Variants in ERC1 observed in about 807,000 individuals in gnomAD.
The protein encoded by ERC1 is ELKS/RAB6-interacting/CAST family member 1.
Under a neutral mutation model 132.0 loss-of-function variants are expected in ERC1, and 56 were observed. The observed-to-expected ratio is 0.42, with a 90% CI of 0.34 to 0.53. ERC1 has a LOEUF of 0.53. ERC1 is among the 20% of genes least tolerant of loss of function. The pLI is 0.03. For missense variants in ERC1, 1,202 were observed against 1,349.9 expected (o/e 0.89, Z 1.72); for synonymous variants, 478 against 476.1 (o/e 1.00, Z -0.05).
At chr12:1,214,307 T>C (rs1958165479) in intron 12 of ERC1, among the ~76,000 whole-genome samples, 1 of 152,242 alleles carries the variant, frequency 6.6e-6, no homozygotes, top group Non-Finnish European at 1.5e-5. Flanking sequence ...GGTAATGATT[T>C]AATTTTATTG....
chr12:1,005,186 CTG>C (rs1208764328), intron 1 of ERC1, among the ~76,000 whole-genome samples: 3 of 152,124 alleles, frequency 2.0e-5, no homozygotes, highest in Admixed American at 2.0e-4. Flanking sequence ...GGGTTTCACT[CTG>C]TCACCCAGGC....
intron 14 of ERC1, among the ~76,000 whole-genome samples, chr12:1,289,085 A>G (rs1594790316): frequency 5.3e-5 from 1 of 18,920 alleles, no homozygotes; most frequent in East Asian, 9.9e-4. Flanking sequence ...TCTGGTATGT[A>G]CACACACACA....
chr12:1,272,639 A>G (rs2077943079), intron 14 of ERC1, among the ~76,000 whole-genome samples: 1 of 152,222 alleles, frequency 6.6e-6, no homozygotes, highest in African/African-American at 2.4e-5. Flanking sequence ...TTTTACATCC[A>G]TGGTCTTCTC....
intron 1 of ERC1, among the ~76,000 whole-genome samples, chr12:995,259 CAAATAAATAAT>C (rs990181419): frequency 1.3e-5 from 2 of 151,974 alleles, no homozygotes; most frequent in African/African-American, 4.8e-5. Context: ...AAGGCTATCT[CAAATAAATAAT>C]AAATAAATAA....
intron 8 of ERC1, among the ~76,000 whole-genome samples, chr12:1,180,253 ATGTGTGTGTGTG>A (rs3216970): frequency 4.8e-5 from 7 of 146,602 alleles, no homozygotes; most frequent in Non-Finnish European, 7.5e-5. Flanking sequence ...TTTGTTAGGG[ATGTGTGTGTGTG>A]TGTGTGTGTG....
intron 12 of ERC1, among the ~76,000 whole-genome samples, chr12:1,198,425 A>G (rs1045186550): frequency 6.6e-6 from 1 of 152,232 alleles, no homozygotes; most frequent in Non-Finnish European, 1.5e-5. Context: ...CACTGCTACA[A>G]TTATTCTGAG....
At chr12:1,250,666 A>G (rs1167981910) in intron 13 of ERC1, among the ~76,000 whole-genome samples, 1 of 152,166 alleles carries the variant, frequency 6.6e-6, no homozygotes, top group Non-Finnish European at 1.5e-5. Context: ...GTATGTTTTA[A>G]CACAGGAAAT....
chr12:1,211,134 A>T (rs1485581035), intron 12 of ERC1, among the ~76,000 whole-genome samples: 1 of 152,142 alleles, frequency 6.6e-6, no homozygotes, highest in African/African-American at 2.4e-5. Flanking sequence ...TTCAAATGCA[A>T]TCTTTTAAAT....
intron 12 of ERC1, among the ~76,000 whole-genome samples, chr12:1,207,957 C>T (rs1339700290): frequency 6.6e-6 from 1 of 152,158 alleles, no homozygotes; most frequent in Non-Finnish European, 1.5e-5. Context: ...TTGGGCCATA[C>T]TTACTCTGGC....
intron 8 of ERC1, among the ~76,000 whole-genome samples, chr12:1,179,821 A>G (rs1305240451): frequency 6.7e-6 from 1 of 148,394 alleles, no homozygotes; most frequent in Non-Finnish European, 1.5e-5. Context: ...TTTTCTTCAT[A>G]TCCATAGTGT....
intron 12 of ERC1, among the ~76,000 whole-genome samples, chr12:1,211,475 T>G (rs1005442779): frequency 3.3e-5 from 5 of 152,016 alleles, no homozygotes; most frequent in Non-Finnish European, 5.9e-5. Flanking sequence ...AGGAAAGTAC[T>G]TTGCAGATGA....
chr12:1,383,744 GTAATTTACATGACCAAATGTATTATCA>G (rs1297900732), intron 16 of ERC1, among the ~76,000 whole-genome samples: 1 of 152,232 alleles, frequency 6.6e-6, no homozygotes, highest in Non-Finnish European at 1.5e-5. Context: ...TTCAGAAGCT[GTAATTTACATGACCAAATGTATTATCA>G]CATGACTTTC....
At chr12:1,294,759 A>G (rs890987836) in intron 15 of ERC1, among the ~76,000 whole-genome samples, 1 of 152,178 alleles carries the variant, frequency 6.6e-6, no homozygotes, top group African/African-American at 2.4e-5. Context: ...AATCTGATAT[A>G]TAATTTACCA....
intron 12 of ERC1, among the ~76,000 whole-genome samples, chr12:1,225,473 C>CACACACACACACAG (rs2074504460): frequency 6.6e-6 from 1 of 151,516 alleles, no homozygotes; most frequent in African/African-American, 2.4e-5. Context: ...CACACACACA[C>CACACACACACACAG]ACACACACAC....
In ERC1 at chr12:1,065,480, TTGTGTGTG is replaced by T. The variant is rs71293132; in HGVS notation, c.670-17650_670-17643del. Among the ~76,000 whole-genome samples the T allele has an allele frequency of 4.4e-3, 544 of 124,962 alleles. 2 individuals carry two copies. Among genetic ancestry groups the T allele is most frequent in the African/African-American group, 8.6e-3 (285 of 33,132 alleles). The allele number at this position is 124,962 out of a possible 152,430, so 82.0% of individuals were successfully genotyped here. On this transcript the variant is annotated intron_variant, in intron 2 of 18. Transcript: ENST00000360905. ...TTGTTTTCCTATTTCTTTGTACCGTTTGTGTGTGTGTGTGTGTGTGTGTGTGTGTGTGT... is the reference window on the plus strand; with the variant it reads ...TTGTTTTCCTATTTCTTTGTACCGTTTGTGTGTGTGTGTGTGTGTGTGTGT...
rs192270444 is a variant in ERC1 at position 1,492,444 on chromosome 12, G to A, written c.*2214G>A. 5.4e-3 allele frequency: 1,263 copies of A among 233,274 alleles called. 5 individuals carry two copies. Among genetic ancestry groups the A allele is most frequent in the Middle Eastern group, 0.013 (10 of 786 alleles). 14.5% of individuals were successfully genotyped at this position (233,274 alleles called of 1,614,324 possible). ...CAGGCGAGGCCATGCCTAAACAAGTGGTCTGGCACGGGCACTGGCCAGCTG... is the reference window on the plus strand; with the variant it reads ...CAGGCGAGGCCATGCCTAAACAAGTAGTCTGGCACGGGCACTGGCCAGCTG... On this transcript the variant is annotated 3_prime_UTR_variant, in exon 19 of 19. Transcript: ENST00000360905.
chr12:1,483,847 C>CAT (rs2094142674), intron 18 of ERC1, among the ~76,000 whole-genome samples: 1 of 151,758 alleles, frequency 6.6e-6, no homozygotes, highest in African/African-American at 2.4e-5. Flanking sequence ...CTCACCACCA[C>CAT]ATGTGACCGA....
At chr12:1,322,289 T>A (rs1289511816) in intron 15 of ERC1, among the ~76,000 whole-genome samples, 1 of 152,186 alleles carries the variant, frequency 6.6e-6, no homozygotes, top group African/African-American at 2.4e-5. Context: ...CACTACATGC[T>A]GGTTTTCCTT....
intron 15 of ERC1, among the ~76,000 whole-genome samples, chr12:1,298,867 T>C (rs528972203): frequency 6.6e-6 from 1 of 151,778 alleles, no homozygotes; most frequent in South Asian, 2.1e-4. Flanking sequence ...TTCTTGGAAA[T>C]AGTAATCCTA....
Sources: allele counts gnomAD v4.1 joint callset (sites outside exome capture counted in the v4.1 genomes callset), GRCh38; gene constraint gnomAD v4.1.1; transcripts MANE v1.5; gene names NCBI Gene and HGNC (gene_info 2026-07-23, HGNC 2026-07-21).